Variants in PPFIA2 observed in about 807,000 individuals in gnomAD.
PPFIA2 encodes the protein PPFI scaffold protein A2.
A neutral mutation model predicts 175.5 loss-of-function variants in PPFIA2; 46 were observed. The observed-to-expected ratio is 0.26, with a 90% confidence interval of 0.21 to 0.34. The LOEUF is 0.34. Among genes scored for constraint, PPFIA2 ranks in the 10% least tolerant of loss-of-function variants. The pLI, the probability that PPFIA2 is intolerant of heterozygous loss-of-function variation, is 1.00. For missense variants in PPFIA2, 1,179 were observed against 1,506.1 expected, an observed-to-expected ratio of 0.78 and a Z score of 3.60; for synonymous variants, 568 against 511.4, an observed-to-expected ratio of 1.11 and a Z score of -1.49.
chr12:81,604,248 T>A (rs760282197), intron 4 of PPFIA2, among the ~76,000 whole-genome samples: 1 of 151,578 alleles, frequency 6.6e-6, no homozygotes. Flanking sequence ...CAAAATGAAA[T>A]GGCATGGAAA....
intron 7 of PPFIA2, among the ~76,000 whole-genome samples, chr12:81,421,157 G>A (rs1368999474): frequency 5.3e-5 from 8 of 152,022 alleles, no homozygotes; most frequent in Admixed American, 2.6e-4. Flanking sequence ...TGCCTTAAAA[G>A]AAATGCACAA....
At chr12:81,632,131 C>A (rs77183336) in intron 4 of PPFIA2, among the ~76,000 whole-genome samples, 2 of 152,062 alleles carry the variant, frequency 1.3e-5, no homozygotes, top group East Asian at 3.9e-4. Context: ...ACAGAAAATG[C>A]AGAAGTGAGA....
intron 7 of PPFIA2, among the ~76,000 whole-genome samples, chr12:81,426,177 C>T (rs917168223): frequency 1.3e-5 from 2 of 152,038 alleles, no homozygotes; most frequent in Admixed American, 6.5e-5. Context: ...GTAATGAAGC[C>T]TTGATTGAAA....
intron 13 of PPFIA2, among the ~76,000 whole-genome samples, chr12:81,367,763 C>T (rs2033940895): frequency 6.6e-6 from 1 of 151,408 alleles, no homozygotes; most frequent in African/African-American, 2.4e-5. Flanking sequence ...TAAACCTTGC[C>T]AGAAAATTAT....
At chr12:81,381,712 C>G (rs17008463) in intron 9 of PPFIA2, among the ~76,000 whole-genome samples, 8,914 of 152,138 alleles carry the variant, frequency 0.059, 303 homozygotes, top group Admixed American at 0.098. Context: ...CATCCATGAA[C>G]TATTATATTA....
chr12:81,440,734 CGAA>C (rs1386453806), intron 6 of PPFIA2, among the ~76,000 whole-genome samples: 11 of 151,120 alleles, frequency 7.3e-5, no homozygotes, highest in Non-Finnish European at 1.3e-4. Context: ...AACTGAAACT[CGAA>C]GAAGTATTTC....
At chr12:81,434,351 T>C (rs886522434) in intron 7 of PPFIA2, among the ~76,000 whole-genome samples, 42 of 152,076 alleles carry the variant, frequency 2.8e-4, no homozygotes, top group Admixed American at 2.0e-3. Context: ...ATAATCATTA[T>C]AATTGGGGCT....
intron 4 of PPFIA2, among the ~76,000 whole-genome samples, chr12:81,559,739 C>T (rs948034794): frequency 1.3e-5 from 2 of 151,364 alleles, no homozygotes; most frequent in Non-Finnish European, 2.9e-5. Context: ...ATGCAAGATA[C>T]TTATTAAGTG....
At chr12:81,288,914 G>C (rs2044168146) in intron 24 of PPFIA2, among the ~76,000 whole-genome samples, 1 of 151,662 alleles carries the variant, frequency 6.6e-6, no homozygotes, top group South Asian at 2.1e-4. Context: ...GGCTTATGAG[G>C]TAAGTAATAA....
At chr12:81,375,648 A>T in intron 10 of PPFIA2, 148 bp downstream of exon 10, 1 of 790,362 alleles carries the variant, frequency 1.3e-6, no homozygotes, top group Non-Finnish European at 2.0e-6. Context: ...TTCACACTGA[A>T]AATCGTATTT....
At chr12:81,599,451 T>C (rs986181584) in intron 4 of PPFIA2, among the ~76,000 whole-genome samples, 1 of 152,022 alleles carries the variant, frequency 6.6e-6, no homozygotes, top group Non-Finnish European at 1.5e-5. Flanking sequence ...TAGGTAATTA[T>C]TTAACTAGCA....
intron 4 of PPFIA2, among the ~76,000 whole-genome samples, chr12:81,494,589 ACT>A (rs1258395328): frequency 6.6e-6 from 1 of 151,940 alleles, no homozygotes; most frequent in Non-Finnish European, 1.5e-5. Flanking sequence ...CCATCCCATT[ACT>A]GGGTATATAC....
chr12:81,568,385 T>C (rs1467215841), intron 4 of PPFIA2, among the ~76,000 whole-genome samples: 4 of 152,312 alleles, frequency 2.6e-5, no homozygotes, highest in Admixed American at 2.6e-4. Flanking sequence ...AACATTTGTC[T>C]GGGGTTAATA....
chr12:81,686,809 T>C (rs114482409), intron 3 of PPFIA2, among the ~76,000 whole-genome samples: 40 of 152,232 alleles, frequency 2.6e-4, no homozygotes, highest in African/African-American at 8.7e-4. Flanking sequence ...CTTAGTTGAT[T>C]GCCTTCTTTC....
At chr12:81,660,636 CAGG>C (rs2068655348) in intron 4 of PPFIA2, among the ~76,000 whole-genome samples, 1 of 152,130 alleles carries the variant, frequency 6.6e-6, no homozygotes, top group Non-Finnish European at 1.5e-5. Flanking sequence ...GGATATTATC[CAGG>C]AGAACTTCCC....
At chr12:81,439,919 A>T in intron 7 of PPFIA2, 53 bp downstream of exon 7, 1 of 1,348,254 alleles carries the variant, frequency 7.4e-7, no homozygotes, top group Non-Finnish European at 1.0e-6. Context: ...AACACAAGGG[A>T]TGTAATGTCA....
At chr12:81,339,884 G>A (rs988135813) in intron 20 of PPFIA2, among the ~76,000 whole-genome samples, 8 of 152,078 alleles carry the variant, frequency 5.3e-5, no homozygotes, top group South Asian at 2.1e-4. Context: ...ATGTATCCTC[G>A]TGATCAATGT....
intron 4 of PPFIA2, among the ~76,000 whole-genome samples, chr12:81,620,269 A>G (rs890462397): frequency 3.9e-5 from 6 of 152,062 alleles, no homozygotes; most frequent in Non-Finnish European, 8.8e-5. Context: ...GAAAAACAAT[A>G]AAAACAGATG....
At chr12:81,482,744 G>A (rs1188906915) in intron 4 of PPFIA2, among the ~76,000 whole-genome samples, 3 of 152,104 alleles carry the variant, frequency 2.0e-5, no homozygotes, top group Non-Finnish European at 4.4e-5. Context: ...TCAGCCAGTG[G>A]GGGATAGGGG....
Sources: gnomAD v4.1 joint callset for allele counts (sites outside exome capture counted in the v4.1 genomes callset) on GRCh38, gnomAD v4.1.1 for gene constraint, MANE v1.5 for transcripts, NCBI Gene and HGNC (gene_info 2026-07-23, HGNC 2026-07-21) for gene names.